The following NR5A2 variants were observed in gnomAD, a reference collection of about 807,000 sequenced individuals.
NR5A2 encodes nuclear receptor subfamily 5 group A member 2.
A neutral mutation model predicts 62.7 loss-of-function variants in NR5A2; 26 were observed. That is an observed-to-expected ratio of 0.41 (90% confidence interval 0.30 to 0.58). NR5A2 has a LOEUF of 0.58. NR5A2 is among the 20% of genes least tolerant of loss of function. The pLI is 0.22. For missense variants in NR5A2, 541 were observed against 669.1 expected (o/e 0.81, Z 2.11); for synonymous variants, 246 against 241.7 (o/e 1.02, Z -0.16).
chr1:200,079,119 G>A (rs1664171978), intron 5 of NR5A2, among the ~76,000 whole-genome samples: 1 of 152,138 alleles, frequency 6.6e-6, no homozygotes, highest in Admixed American at 6.5e-5. Flanking sequence ...GAGTCTCTGG[G>A]CTACCTTTTC....
chr1:200,091,474 T>C (rs553047976), intron 5 of NR5A2, among the ~76,000 whole-genome samples: 2 of 149,148 alleles, frequency 1.3e-5, no homozygotes, highest in African/African-American at 4.9e-5. Flanking sequence ...CCTTACCCTT[T>C]GCTCTCTTTC....
intron 5 of NR5A2, among the ~76,000 whole-genome samples, chr1:200,108,276 C>G (rs1280351725): frequency 6.6e-6 from 1 of 151,858 alleles, no homozygotes; most frequent in Non-Finnish European, 1.5e-5. Flanking sequence ...TGTAATCTCC[C>G]TATGTTGCCC....
At chr1:200,081,767 C>CTTT (rs3033982) in intron 5 of NR5A2, among the ~76,000 whole-genome samples, 25 of 145,062 alleles carry the variant, frequency 1.7e-4, no homozygotes, top group Middle Eastern at 3.6e-3. Context: ...CATAGTCTAC[C>CTTT]TTTTTTTTTT....
intron 5 of NR5A2, among the ~76,000 whole-genome samples, chr1:200,103,214 C>G (rs997818810): frequency 6.8e-6 from 1 of 147,790 alleles, no homozygotes; most frequent in Non-Finnish European, 1.5e-5. Context: ...ACCTCTGCTT[C>G]CCAGGTTCAA....
intron 1 of NR5A2, among the ~76,000 whole-genome samples, chr1:200,037,851 T>C (rs1661850183): frequency 6.6e-6 from 1 of 152,216 alleles, no homozygotes; most frequent in South Asian, 2.1e-4. Context: ...CAGGTGTGGG[T>C]GGGTGATGAA....
At chr1:200,132,310 A>G (rs542104903) in intron 7 of NR5A2, among the ~76,000 whole-genome samples, 1 of 152,222 alleles carries the variant, frequency 6.6e-6, no homozygotes, top group South Asian at 2.1e-4. Flanking sequence ...GTGCCCGGCA[A>G]GAACTGGCAA....
At chr1:200,137,666 A>C in intron 7 of NR5A2, among the ~76,000 whole-genome samples, 1 of 152,242 alleles carries the variant, frequency 6.6e-6, no homozygotes. Context: ...AGATTAAAAC[A>C]TGAATTTGTG....
chr1:200,144,109 T>C (rs1667564206), intron 7 of NR5A2, among the ~76,000 whole-genome samples: 1 of 152,076 alleles, frequency 6.6e-6, no homozygotes, highest in Non-Finnish European at 1.5e-5. Flanking sequence ...CACCACAATA[T>C]TTTGACAAGA....
At chr1:200,156,756 T>A (rs1354598871) in intron 7 of NR5A2, among the ~76,000 whole-genome samples, 3 of 152,238 alleles carry the variant, frequency 2.0e-5, no homozygotes, top group Admixed American at 6.5e-5. Flanking sequence ...CTCAACACTT[T>A]ATTATAAAAT....
chr1:200,045,815 C>T (rs1389987085), intron 4 of NR5A2, among the ~76,000 whole-genome samples: 2 of 151,966 alleles, frequency 1.3e-5, no homozygotes, highest in Non-Finnish European at 2.9e-5. Flanking sequence ...CCCTGCCCAC[C>T]CCCTTTTTTT....
intron 7 of NR5A2, among the ~76,000 whole-genome samples, chr1:200,162,643 G>A (rs1328273742): frequency 1.3e-5 from 2 of 152,118 alleles, no homozygotes; most frequent in Admixed American, 6.6e-5. Flanking sequence ...GGCGAGTTAC[G>A]GTTGCAGCAA....
At chr1:200,067,520 C>A (rs1663543304) in intron 5 of NR5A2, among the ~76,000 whole-genome samples, 1 of 152,170 alleles carries the variant, frequency 6.6e-6, no homozygotes, top group African/African-American at 2.4e-5. Flanking sequence ...CGTGCCATTG[C>A]ACTCCAGCCT....
intron 1 of NR5A2, among the ~76,000 whole-genome samples, chr1:200,028,425 C>CAAAAAAAAAAAAAAAAAAAACAAAAA (rs67706127): frequency 1.2e-5 from 1 of 83,636 alleles, no homozygotes. Flanking sequence ...CCCCCACCTC[C>CAAAAAAAAAAAAAAAAAAAACAAAAA]AAAAAAAAAA....
intron 5 of NR5A2, among the ~76,000 whole-genome samples, chr1:200,104,538 A>C (rs1169992055): frequency 3.9e-5 from 6 of 152,334 alleles, no homozygotes; most frequent in Admixed American, 3.9e-4. Context: ...CATTGTTACA[A>C]AAAGAGATGG....
rs1354850980 is a variant in NR5A2 at position 200,039,982 on chromosome 1, A to G, written c.202+187A>G. 6.6e-6 allele frequency among the ~76,000 whole-genome samples: 1 copy of G among 152,156 alleles called. No individual in the cohort carries two copies. The highest frequency in any genetic ancestry group is 6.5e-5 in the Admixed American group (1 of 15,278). ...TTATGGCTCTTGAACAATGCGGGGCAGAGGTTTTTCCAAGCAACGTCTAAT... is the reference window on the plus strand; with the variant it reads ...TTATGGCTCTTGAACAATGCGGGGCGGAGGTTTTTCCAAGCAACGTCTAAT... On this transcript the variant is annotated intron_variant, in intron 2 of 7. Transcript: ENST00000367362. The surrounding 1 kb of genome is among the most constrained non-coding windows in gnomAD (Gnocchi z 5.1).
chr1:200,076,547 A>G (rs924542226), intron 5 of NR5A2, among the ~76,000 whole-genome samples: 2 of 151,532 alleles, frequency 1.3e-5, no homozygotes, highest in Non-Finnish European at 2.9e-5. Flanking sequence ...TTAACTTACT[A>G]TTATAGTATC....
intron 7 of NR5A2, among the ~76,000 whole-genome samples, chr1:200,167,024 T>C (rs1653934186): frequency 1.3e-5 from 2 of 152,180 alleles, no homozygotes; most frequent in African/African-American, 4.8e-5. Flanking sequence ...TAGAATCCTT[T>C]ACAATTTAGC....
intron 5 of NR5A2, among the ~76,000 whole-genome samples, chr1:200,109,107 C>T (rs180700915): frequency 6.6e-6 from 1 of 152,298 alleles, no homozygotes; most frequent in East Asian, 1.9e-4. Flanking sequence ...ATCTTGTCCA[C>T]CCTTATATGC....
chr1:200,170,595 T>G (rs1654128634), intron 7 of NR5A2, among the ~76,000 whole-genome samples: 1 of 152,180 alleles, frequency 6.6e-6, no homozygotes, highest in African/African-American at 2.4e-5. Flanking sequence ...ACTACCTCAA[T>G]TACAGTGGAA....
Sources: allele counts gnomAD v4.1 joint callset (sites outside exome capture counted in the v4.1 genomes callset), GRCh38; gene constraint gnomAD v4.1.1; non-coding constraint Gnocchi (gnomAD v3.1); transcripts MANE v1.5; gene names NCBI Gene and HGNC (gene_info 2026-07-23, HGNC 2026-07-21).